CTDSPL: variants seen among roughly 807,000 people sequenced by gnomAD.
The protein encoded by CTDSPL is CTD small phosphatase like.
In CTDSPL, 8 loss-of-function variants were observed where a neutral mutation model predicts 30.5. The ratio of observed to expected loss-of-function variants is 0.26; its 90% CI spans 0.15 to 0.47. CTDSPL has a LOEUF of 0.47. Among genes scored for constraint, CTDSPL ranks in the 20% least tolerant of loss-of-function variants. The pLI, the probability that CTDSPL is intolerant of heterozygous loss-of-function variation, is 0.99. For synonymous variants in CTDSPL, 110 were observed against 137.9 expected (o/e 0.80, Z 1.42); for missense variants, 248 against 366.1 (o/e 0.68, Z 2.63).
Position 37,980,998 on chromosome 3 carries a change from A to G in CTDSPL, c.*131A>G. The G allele has an allele frequency of 4.8e-6, 5 of 1,050,174 alleles. No homozygotes were observed. The highest frequency in any genetic ancestry group is 5.2e-6 in the Non-Finnish European group (4 of 775,656). The allele number at this position is 1,050,174 out of a possible 1,614,324, so 65.1% of individuals were successfully genotyped here. The stretch of plus-strand genomic sequence containing the variant: ...TCCAGGCCACAGGGTGAATGTGGCC[A>G]TGCCTACCTGTTTTGTTTTTTTAAG... On this transcript the variant is annotated 3_prime_UTR_variant, in exon 8 of 8. Transcript: ENST00000273179.
chr3:37,942,767 T>A (rs1165310643), intron 1 of CTDSPL, among the ~76,000 whole-genome samples: 1 of 150,348 alleles, frequency 6.7e-6, no homozygotes, highest in Non-Finnish European at 1.5e-5. Flanking sequence ...ATAAAGAAAC[T>A]GAGGCACAAA....
At chr3:37,921,286 G>C (rs1698710957) in intron 1 of CTDSPL, among the ~76,000 whole-genome samples, 2 of 152,186 alleles carry the variant, frequency 1.3e-5, no homozygotes, top group Non-Finnish European at 1.5e-5. Flanking sequence ...TCTTTCCACT[G>C]CCCCATCTAA....
chr3:37,984,357 C>T lies in CTDSPL; in HGVS notation c.*3490C>T, dbSNP rs1421301841. On this transcript the variant is annotated 3_prime_UTR_variant, in exon 8 of 8. Transcript: ENST00000273179. ...CATTTGAATGTGATAAACAATCCAGCATTACTTAGGAAATGCTACATGCGG... is the reference window on the plus strand; with the variant it reads ...CATTTGAATGTGATAAACAATCCAGTATTACTTAGGAAATGCTACATGCGG... The T allele has an allele frequency of 1.3e-5, 6 of 452,030 alleles. No homozygotes were observed. The highest frequency in any genetic ancestry group is 4.7e-5 in the Admixed American group (2 of 42,508). 28.0% of individuals were successfully genotyped at this position (452,030 alleles called of 1,614,324 possible).
intron 1 of CTDSPL, among the ~76,000 whole-genome samples, chr3:37,899,025 T>C (rs1220669632): frequency 2.0e-5 from 3 of 152,090 alleles, no homozygotes; most frequent in Admixed American, 2.0e-4. Flanking sequence ...TGAGATAAAC[T>C]TGGAAAAGTA....
intron 1 of CTDSPL, among the ~76,000 whole-genome samples, chr3:37,941,122 TAGGC>T (rs1698972518): frequency 6.7e-6 from 1 of 150,342 alleles, no homozygotes; most frequent in Non-Finnish European, 1.5e-5. Flanking sequence ...GCCAGGGGCC[TAGGC>T]AGAAGCATTA....
In CTDSPL at chr3:37,927,636, ATGTGTGTGTG is replaced by A. The variant is rs71094932; in HGVS notation, c.80-19387_80-19378del. Among the ~76,000 whole-genome samples, 24 of 115,784 alleles carry A rather than the reference ATGTGTGTGTG, an allele frequency of 2.1e-4. No individual in the cohort carries two copies. In the South Asian group the frequency reaches 3.4e-3, roughly 16 times the overall value. 76.0% of individuals were successfully genotyped at this position (115,784 alleles called of 152,430 possible). The stretch of plus-strand genomic sequence containing the variant: ...TTAATTGTGGTTAAAAGAAAAATAT[ATGTGTGTGTG>A]TGTGTGTGTGTGTGTGTGTGTGTGT... On this transcript the variant is annotated intron_variant, in intron 1 of 7. Transcript: ENST00000273179.
chr3:37,959,402 ATC>A (rs1288713598), intron 3 of CTDSPL, among the ~76,000 whole-genome samples: 9 of 152,244 alleles, frequency 5.9e-5, no homozygotes, highest in African/African-American at 1.2e-4. Context: ...AAGAGAAAAT[ATC>A]TCTCAATGTA....
chr3:37,948,525 A>G (rs1389813218), intron 2 of CTDSPL, among the ~76,000 whole-genome samples: 1 of 152,156 alleles, frequency 6.6e-6, no homozygotes, highest in Non-Finnish European at 1.5e-5. Flanking sequence ...TAATTCACAA[A>G]ATAAGAAATA....
At chr3:37,921,898 C>T (rs1255700468) in intron 1 of CTDSPL, among the ~76,000 whole-genome samples, 1 of 152,170 alleles carries the variant, frequency 6.6e-6, no homozygotes, top group Non-Finnish European at 1.5e-5. Flanking sequence ...ATGAAGACTT[C>T]TCCTTGCAGG....
chr3:37,957,009 C>A, intron 2 of CTDSPL, 102 bp from the exon 3 acceptor site: 1 of 934,714 alleles, frequency 1.1e-6, no homozygotes, highest in Non-Finnish European at 1.7e-6. Context: ...CAGAGAATGG[C>A]AGATCATGCA....
chr3:37,969,699 T>C (rs1194668405), intron 5 of CTDSPL, among the ~76,000 whole-genome samples: 1 of 152,228 alleles, frequency 6.6e-6, no homozygotes, highest in Non-Finnish European at 1.5e-5. Context: ...CCACAGGCCC[T>C]GCCCTCAGCC....
chr3:37,958,620 C>T (rs760885932), intron 3 of CTDSPL, among the ~76,000 whole-genome samples: 2 of 152,060 alleles, frequency 1.3e-5, no homozygotes, highest in Non-Finnish European at 2.9e-5. Context: ...GACCCTTTTC[C>T]CACAAATGTA....
At chr3:37,969,542 A>G in intron 5 of CTDSPL, 1 of 415,052 alleles carries the variant, frequency 2.4e-6, no homozygotes, top group Admixed American at 3.0e-5. Flanking sequence ...CCAACACCAG[A>G]GTTCACAAAT....
chr3:37,962,181 A>T (rs1266575817), intron 3 of CTDSPL, among the ~76,000 whole-genome samples: 2 of 152,246 alleles, frequency 1.3e-5, no homozygotes. Flanking sequence ...ACCTGAACAG[A>T]TCAATTGAAG....
intron 1 of CTDSPL, among the ~76,000 whole-genome samples, chr3:37,864,195 G>A (rs1169854046): frequency 6.6e-6 from 1 of 152,192 alleles, no homozygotes; most frequent in Non-Finnish European, 1.5e-5. Flanking sequence ...GTGGCACAAA[G>A]CAGGGAAATA....
intron 5 of CTDSPL, chr3:37,969,511 C>A (rs760914126): frequency 4.4e-6 from 2 of 454,360 alleles, no homozygotes. Flanking sequence ...GGGCTCAGGA[C>A]CCCCCTCTCT....
At chr3:37,911,115 A>T (rs1480094241) in intron 1 of CTDSPL, among the ~76,000 whole-genome samples, 1 of 152,248 alleles carries the variant, frequency 6.6e-6, no homozygotes, top group Admixed American at 6.5e-5. Flanking sequence ...CGGTCATTTA[A>T]GTCACTTAAT....
chr3:37,886,580 C>A (rs1457363808), intron 1 of CTDSPL, among the ~76,000 whole-genome samples: 1 of 152,194 alleles, frequency 6.6e-6, no homozygotes, highest in Non-Finnish European at 1.5e-5. Context: ...TTCCCCTGAT[C>A]TTACTAATGA....
At chr3:37,873,260 G>A (rs1375823955) in intron 1 of CTDSPL, among the ~76,000 whole-genome samples, 10 of 152,198 alleles carry the variant, frequency 6.6e-5, no homozygotes, top group African/African-American at 2.2e-4. Context: ...TGGCGGAAGG[G>A]ATGGGGGTGA....
Sources: allele counts gnomAD v4.1 joint callset (sites outside exome capture counted in the v4.1 genomes callset), GRCh38; gene constraint gnomAD v4.1.1; transcripts MANE v1.5; gene names NCBI Gene and HGNC (gene_info 2026-07-23, HGNC 2026-07-21).